Variants in NCBP2 observed in about 807,000 individuals in gnomAD.
NCBP2 encodes the protein nuclear cap binding protein subunit 2.
NCBP2 carries 8 observed loss-of-function variants against 21.5 expected under a neutral mutation model. That is an observed-to-expected ratio of 0.37 (90% CI 0.22 to 0.67). The LOEUF is 0.67. Ranked by LOEUF, NCBP2 falls within the 30% of genes least tolerant of loss-of-function variation. The pLI is 0.56. For missense variants in NCBP2, 127 were observed against 206.9 expected, an observed-to-expected ratio of 0.61 and a Z score of 2.37; for synonymous variants, 92 against 75.8, an observed-to-expected ratio of 1.21 and a Z score of -1.11.
In NCBP2 at chr3:196,939,235, T is replaced by C. The variant is rs1716413863; in HGVS notation, c.260+16A>G. On this transcript the variant is annotated intron_variant, in intron 2 of 3. Coordinates refer to ENST00000321256, the MANE Select transcript of NCBP2 (RefSeq NM_007362.5). Reference sequence around the variant, plus strand: ...ACCCTGGTTCAGCAGCTACATTAGATCCATGGGAAGGATACTCCACAAAAC... The same window carrying C: ...ACCCTGGTTCAGCAGCTACATTAGACCCATGGGAAGGATACTCCACAAAAC... The C allele has an allele frequency of 6.2e-7, 1 of 1,607,292 alleles. No homozygotes were observed. Among genetic ancestry groups the C allele is most frequent in the South Asian group, 1.1e-5 (1 of 90,906 alleles).
intron 2 of NCBP2, chr3:196,938,251 C>G (rs1424923261): frequency 6.6e-6 from 1 of 152,184 alleles, no homozygotes; most frequent in Non-Finnish European, 1.5e-5. Flanking sequence ...ATTTGGGAAA[C>G]CTGTGTATCC....
At chr3:196,941,006 G>A (rs1215146036) in intron 1 of NCBP2, 2 of 152,236 alleles carry the variant, frequency 1.3e-5, no homozygotes, top group African/African-American at 2.4e-5. Context: ...AGGCTCAGGA[G>A]GTTGAGGCTG....
chr3:196,938,356 C>A (rs1344288077), intron 2 of NCBP2: 1 of 152,054 alleles, frequency 6.6e-6, no homozygotes, highest in Non-Finnish European at 1.5e-5. Context: ...CAGGGATCAC[C>A]AGACACTTAA....
intron 1 of NCBP2, among the ~76,000 whole-genome samples, chr3:196,940,639 CAT>C (rs1413709592): frequency 6.6e-6 from 1 of 152,274 alleles, no homozygotes; most frequent in Non-Finnish European, 1.5e-5. Context: ...AGAAATTCCA[CAT>C]GACAGTATGG....
At chr3:196,937,741 A>C in intron 2 of NCBP2, 93 bp from the exon 3 acceptor site, 1 of 1,483,534 alleles carries the variant, frequency 6.7e-7, no homozygotes, top group Admixed American at 1.7e-5. Context: ...AAAGTACAAG[A>C]GCTAATCCAA....
chr3:196,942,078 G>A lies in NCBP2; in HGVS notation c.78+348C>T, dbSNP rs1716613325. The A allele has an allele frequency of 2.0e-6, 3 of 1,519,850 alleles. No individual in the cohort carries two copies. In the Admixed American group the frequency reaches 6.2e-5, roughly 31 times the overall value. The allele number at this position is 1,519,850 out of a possible 1,614,324, so 94.1% of individuals were successfully genotyped here. ...TCTGCCTACTCTGGGAGAGAGAAGG[G>A]CACCCCTCCCCCTTGCTACGTAGTC... On this transcript the variant is annotated intron_variant, in intron 1 of 3. Coordinates refer to ENST00000321256, the MANE Select transcript of NCBP2 (RefSeq NM_007362.5).
chr3:196,937,099 C>G lies in NCBP2; in HGVS notation c.400-17G>C. On this transcript the variant is annotated splice_polypyrimidine_tract_variant and intron_variant, in intron 3 of 3. Coordinates refer to ENST00000321256, the MANE Select transcript of NCBP2 (RefSeq NM_007362.5). ...ATCCCGAACCTTTAATGGAAAGAAT[C>G]CAGAGTTACAGTATGGAAAAGAATG... is the stretch of plus-strand genomic sequence containing the variant. 1 of 1,612,904 alleles carries G rather than the reference C, an allele frequency of 6.2e-7. No individual in the cohort carries two copies. The highest frequency in any genetic ancestry group is 8.5e-7 in the Non-Finnish European group (1 of 1,178,914).
At chr3:196,939,177 C>T (rs1716409186) in intron 2 of NCBP2, 74 bp downstream of exon 2, 2 of 1,365,480 alleles carry the variant, frequency 1.5e-6, no homozygotes, top group East Asian at 4.6e-5. Context: ...GGGACGAGTG[C>T]AGGGACGCTT....
intron 1 of NCBP2, chr3:196,941,001 C>T (rs1172299270): frequency 6.6e-6 from 1 of 152,130 alleles, no homozygotes; most frequent in Non-Finnish European, 1.5e-5. Flanking sequence ...CACTTAGGCT[C>T]AGGAGGTTGA....
chr3:196,940,221 T>A (rs182844330), intron 1 of NCBP2: 1 of 152,218 alleles, frequency 6.6e-6, no homozygotes, highest in East Asian at 1.9e-4. Flanking sequence ...ATACAAAAAT[T>A]AGCTGGGCAT....
At chr3:196,942,028 C>G in intron 1 of NCBP2, 1 of 1,535,864 alleles carries the variant, frequency 6.5e-7, no homozygotes, top group South Asian at 1.2e-5. Flanking sequence ...AGCAAAAAGC[C>G]CCGCATCTGC....
rs757041577 is a variant in NCBP2 at position 196,939,425 on chromosome 3, T to C, written c.86A>G (p.Asn29Ser). ...CTTCAGTAATTTTTCTTGTTCTTCA[T>C]TGTCACCCTAGAATTTCAAATAGAG... The part of the protein sequence containing the change: ...QYRDQHFRGD[N>S]EEQEKLLKKS... Residue 29 changes from asparagine (N) to serine (S), a missense_variant, in exon 2 of 4, where the codon AAT becomes AGT. Coordinates refer to ENST00000321256, the MANE Select transcript of NCBP2 (RefSeq NM_007362.5). 2 of 1,603,290 alleles carry C rather than the reference T, an allele frequency of 1.2e-6. No individual in the cohort carries two copies. The highest frequency in any genetic ancestry group is 1.3e-5 in the African/African-American group (1 of 74,362).
chr3:196,937,453 T>C, intron 3 of NCBP2, 57 bp downstream of exon 3: 1 of 1,601,772 alleles, frequency 6.2e-7, no homozygotes, highest in Non-Finnish European at 8.5e-7. Context: ...CCAAAACACC[T>C]GTCATTGTGA....
At chr3:196,940,593 A>G (rs1031193391) in intron 1 of NCBP2, among the ~76,000 whole-genome samples, 3 of 152,230 alleles carry the variant, frequency 2.0e-5, no homozygotes, top group African/African-American at 7.2e-5. Flanking sequence ...GTAAGTGCTT[A>G]AAGTATATTA....
intron 1 of NCBP2, chr3:196,942,063 C>A (rs555788292): frequency 6.5e-7 from 1 of 1,529,292 alleles, no homozygotes; most frequent in Admixed American, 2.0e-5. Context: ...TCTGCCTACT[C>A]TGGGAGAGAG....
chr3:196,937,597 C>G lies in NCBP2; in HGVS notation c.312G>C (p.Thr104=). ...TGCGAATGATTCGGTCATCCAGACG[C>G]GTCCCATTTATGTACCGCATGGCGT... is the stretch of plus-strand genomic sequence containing the variant. ...AENAMRYING[T]RLDDRIIRTD... is the part of the protein sequence containing the mutation. Residue 104 remains threonine, a synonymous_variant, in exon 3 of 4, where the codon ACG becomes ACC. Transcript: ENST00000321256. 1 of 1,614,200 alleles carries G rather than the reference C, an allele frequency of 6.2e-7. No individual in the cohort carries two copies. Among genetic ancestry groups the G allele is most frequent in the Non-Finnish European group, 8.5e-7 (1 of 1,180,036 alleles).
intron 1 of NCBP2, chr3:196,941,228 G>A (rs879857265): frequency 6.6e-6 from 1 of 152,214 alleles, no homozygotes; most frequent in Non-Finnish European, 1.5e-5. Flanking sequence ...GAATAGCTGG[G>A]ATTACAAGCG....
At chr3:196,938,483 G>A (rs1188520262) in intron 2 of NCBP2, 2 of 152,134 alleles carry the variant, frequency 1.3e-5, no homozygotes, top group Admixed American at 6.5e-5. Context: ...AAAACATACA[G>A]TAAAAAGAAC....
chr3:196,942,517 G>T lies in NCBP2; in HGVS notation c.-14C>A, dbSNP rs371055899. ...GCCACCCGACATAGTGCAGAGAAGC[G>T]GACCACAATGCGGCGACTCCCGGCA... On this transcript the variant is annotated 5_prime_UTR_variant, in exon 1 of 4. Transcript: ENST00000321256. 6.8e-6 allele frequency: 11 copies of T among 1,608,626 alleles called. No individual in the cohort carries two copies. The highest frequency in any genetic ancestry group is 1.3e-5 in the African/African-American group (1 of 74,764).
Sources: gnomAD v4.1 joint callset for allele counts (sites outside exome capture counted in the v4.1 genomes callset) on GRCh38, gnomAD v4.1.1 for gene constraint, MANE v1.5 for transcripts, NCBI Gene and HGNC (gene_info 2026-07-23, HGNC 2026-07-21) for gene names.